Variants in PHKG2 observed in about 807,000 individuals in gnomAD.
The protein encoded by PHKG2 is phosphorylase kinase catalytic subunit gamma 2.
In PHKG2, 28 loss-of-function variants were observed where a neutral mutation model predicts 44.5. That is an observed-to-expected ratio of 0.63 (90% CI 0.47 to 0.86). The LOEUF (loss-of-function observed/expected upper bound fraction) is 0.86, where lower values mean the gene tolerates loss of function less well. Among genes scored for constraint, PHKG2 ranks in the 40% least tolerant of loss-of-function variants. The pLI is 0.00. For missense variants in PHKG2, 498 were observed against 547.5 expected, an observed-to-expected ratio of 0.91 and a Z score of 0.90; for synonymous variants, 220 against 211.2, an observed-to-expected ratio of 1.04 and a Z score of -0.36.
rs1283717311 is a variant in PHKG2, at chr16:30,760,472, G to A, written c.*3375G>A. The A allele has an allele frequency of 5.6e-6, 9 of 1,613,280 alleles. No homozygotes were observed. Among genetic ancestry groups the A allele is most frequent in the Non-Finnish European group, 7.6e-6 (9 of 1,179,422 alleles). ...CAGCACCCTTGGGAGGGAGAGAGGAGTGAGTGACAACTGGGCCTCCTTTCA... is the reference window on the plus strand; with the variant it reads ...CAGCACCCTTGGGAGGGAGAGAGGAATGAGTGACAACTGGGCCTCCTTTCA... On this transcript the variant is annotated 3_prime_UTR_variant, in exon 10 of 10. Transcript: ENST00000563588.
At position 30,757,496 on chromosome 16, in the gene PHKG2, C is replaced by T; in HGVS notation, c.*399C>T. 4 of 1,613,984 alleles carry T rather than the reference C, an allele frequency of 2.5e-6. No homozygotes were observed. Among genetic ancestry groups the T allele is most frequent in the Non-Finnish European group, 2.5e-6 (3 of 1,179,922 alleles). ...GGGGGTCACTTGGTCTTGCTCTTGC[C>T]TTTACCCGGAGGTAGCTGGAAGGGC... On this transcript the variant is annotated 3_prime_UTR_variant, in exon 10 of 10. Coordinates refer to ENST00000563588, the MANE Select transcript of PHKG2 (RefSeq NM_000294.3).
chr16:30,755,271 G>C (rs771869825), intron 6 of PHKG2: 1 of 185,088 alleles, frequency 5.4e-6, no homozygotes, highest in Non-Finnish European at 1.2e-5. Flanking sequence ...ATACAGACTT[G>C]GATAAAGTTT....
chr16:30,749,201 G>GT (rs1567259751), intron 2 of PHKG2, among the ~76,000 whole-genome samples: 29 of 41,254 alleles, frequency 7.0e-4, no homozygotes, highest in Non-Finnish European at 1.5e-3. Context: ...TGGTGCTGGT[G>GT]GTGGTGTGTG....
Position 30,756,447 on chromosome 16 carries a change from G to A in PHKG2, c.728G>A (p.Arg243His), listed in dbSNP as rs777581985. The change falls in exon 8 of 10, where the codon CGC becomes CAC. Residue 243 changes from arginine to histidine, a missense_variant. Transcript: ENST00000563588. ...CACCGGCGGCAGATCCTGATGTTAC[G>A]CATGATCATGGAGGGCCAGTACCAG... Reference protein sequence around the residue: ...FWHRRQILMLRMIMEGQYQFS... With the variant: ...FWHRRQILMLHMIMEGQYQFS... 3.1e-6 allele frequency: 5 copies of A among 1,613,816 alleles called. No homozygotes were observed. Among genetic ancestry groups the A allele is most frequent in the Non-Finnish European group, 4.2e-6 (5 of 1,180,024 alleles).
At chr16:30,751,626 C>G in intron 4 of PHKG2, 23 bp downstream of exon 4, 1 of 1,597,702 alleles carries the variant, frequency 6.3e-7, no homozygotes, top group Non-Finnish European at 8.6e-7. Flanking sequence ...CTGCCACCAT[C>G]TGAGAAGCCT....
intron 2 of PHKG2, among the ~76,000 whole-genome samples, chr16:30,749,294 G>T (rs896136983): frequency 2.0e-5 from 3 of 151,566 alleles, no homozygotes; most frequent in African/African-American, 7.3e-5. Context: ...GTGTGTGTGT[G>T]TGTCTTTCAA....
chr16:30,752,988 T>C (rs1249637335), intron 4 of PHKG2: 3 of 573,334 alleles, frequency 5.2e-6, no homozygotes, highest in African/African-American at 1.9e-5. Context: ...CTATAAATTA[T>C]ATTGTCACAA....
At position 30,760,133 on chromosome 16, in the gene PHKG2, G is replaced by T. The variant is rs761514239; in HGVS notation, c.*3036G>T. On this transcript the variant is annotated 3_prime_UTR_variant, in exon 10 of 10. Coordinates refer to ENST00000563588, the MANE Select transcript of PHKG2 (RefSeq NM_000294.3). ...TTAATTTCTAGATAAGGAAGCAGTG[G>T]ATTGGAAAGCTGATGGCTTGTGTAT... is the stretch of plus-strand genomic sequence containing the variant. The T allele has an allele frequency of 3.2e-6, 5 of 1,559,204 alleles. No homozygotes were observed. In the East Asian group the frequency reaches 1.2e-4, roughly 37 times the overall value.
chr16:30,756,980 G>T lies in PHKG2; in HGVS notation c.1104G>T (p.Gln368His). 6.2e-7 allele frequency: 1 copy of T among 1,612,440 alleles called. No homozygotes were observed. ...ACTGGGTAAAGAAAGGGGAGCAGCAGAACCGGGCGGCTCTCTTTCAGCACC... is the reference window on the plus strand; with the variant it reads ...ACTGGGTAAAGAAAGGGGAGCAGCATAACCGGGCGGCTCTCTTTCAGCACC... Reference protein sequence around the residue: ...YGHWVKKGEQQNRAALFQHRP... With the variant: ...YGHWVKKGEQHNRAALFQHRP... Residue 368 changes from glutamine (Q) to histidine (H), a missense_variant, in exon 10 of 10, where the codon CAG (glutamine) becomes CAT (histidine). Transcript: ENST00000563588.
At chr16:30,749,064 G>GCTGC in intron 2 of PHKG2, 149 bp downstream of exon 2, 1 of 311,804 alleles carries the variant, frequency 3.2e-6, no homozygotes, top group South Asian at 3.0e-5. Context: ...GGTGGTGGTG[G>GCTGC]TGGTGGTGGT....
Position 30,751,299 on chromosome 16 carries a change from G to C in PHKG2, c.271+18G>C. 1 of 1,607,148 alleles carries C rather than the reference G, an allele frequency of 6.2e-7. No individual in the cohort carries two copies. The highest frequency in any genetic ancestry group is 8.5e-7 in the Non-Finnish European group (1 of 1,179,786). ...CCACATCAGTGAGGCTGTCTTCCTTGCTCCTGTTAGCAGACGACCCCCCAC... is the reference window on the plus strand; with the variant it reads ...CCACATCAGTGAGGCTGTCTTCCTTCCTCCTGTTAGCAGACGACCCCCCAC... On this transcript the variant is annotated intron_variant, in intron 3 of 9. Transcript: ENST00000563588.
In PHKG2 at chr16:30,756,983, C is replaced by G. The variant is rs754732907; in HGVS notation, c.1107C>G (p.Asn369Lys). The change falls in exon 10 of 10, where the codon AAC (asparagine) becomes AAG (lysine). Residue 369 changes from asparagine (N) to lysine (K), a missense_variant. Coordinates refer to ENST00000563588, the MANE Select transcript of PHKG2 (RefSeq NM_000294.3). ...GGGTAAAGAAAGGGGAGCAGCAGAACCGGGCGGCTCTCTTTCAGCACCGGC... is the reference window on the plus strand; with the variant it reads ...GGGTAAAGAAAGGGGAGCAGCAGAAGCGGGCGGCTCTCTTTCAGCACCGGC... ...GHWVKKGEQQ[N>K]RAALFQHRPP... 1 of 1,612,374 alleles carries G rather than the reference C, an allele frequency of 6.2e-7. No homozygotes were observed.
In PHKG2 at chr16:30,759,910, C is replaced by T. The variant is rs2053631163; in HGVS notation, c.*2813C>T. 1 of 1,439,920 alleles carries T rather than the reference C, an allele frequency of 6.9e-7. No individual in the cohort carries two copies. The highest frequency in any genetic ancestry group is 9.1e-7 in the Non-Finnish European group (1 of 1,101,110). The allele number at this position is 1,439,920 out of a possible 1,614,324, so 89.2% of individuals were successfully genotyped here. A position where few individuals can be genotyped will look rare whatever the true frequency, so the allele number is the denominator to read the frequency against. On this transcript the variant is annotated 3_prime_UTR_variant, in exon 10 of 10. Transcript: ENST00000563588. ...TATATGCCCACTGTATGGTTTTCGGCACTGAACAAGACAGACAAGGTCCTG... is the reference window on the plus strand; with the variant it reads ...TATATGCCCACTGTATGGTTTTCGGTACTGAACAAGACAGACAAGGTCCTG...
chr16:30,751,563 T>A lies in PHKG2; in HGVS notation c.286T>A (p.Ser96Thr). 6.2e-7 allele frequency: 1 copy of A among 1,613,712 alleles called. No homozygotes were observed. Among genetic ancestry groups the A allele is most frequent in the Non-Finnish European group, 8.5e-7 (1 of 1,179,578 alleles). ...TCTCTCCCTAGTCACCCTCATCGAT[T>A]CCTACGAGTCTTCTAGCTTCATGTT... ...GHPHIITLID[S>T]YESSSFMFLV... The change falls in exon 4 of 10, where the codon TCC becomes ACC. Residue 96 changes from serine to threonine, a missense_variant. Coordinates refer to ENST00000563588, the MANE Select transcript of PHKG2 (RefSeq NM_000294.3).
intron 4 of PHKG2, 29 bp downstream of exon 4, chr16:30,751,632 A>G (rs1199689271): frequency 1.9e-6 from 3 of 1,582,624 alleles, no homozygotes; most frequent in Non-Finnish European, 2.6e-6. Flanking sequence ...CCATCTGAGA[A>G]GCCTCCTCCC....
rs759605425 is a variant in PHKG2 at position 30,759,695 on chromosome 16, A to T, written c.*2598A>T. On this transcript the variant is annotated 3_prime_UTR_variant, in exon 10 of 10. Transcript: ENST00000563588. ...AAAAGGACACTGGTGAAGTAGCGGT[A>T]GCACTCCTCCACGTTGCCCAAGGGG... 28 of 1,613,578 alleles carry T rather than the reference A, an allele frequency of 1.7e-5. No individual in the cohort carries two copies. The African/African-American group carries it at 2.5e-4, about 15-fold the overall frequency.
Position 30,760,266 on chromosome 16 carries a change from G to T in PHKG2, c.*3169G>T, listed in dbSNP as rs2053665365. 6.2e-7 allele frequency: 1 copy of T among 1,614,104 alleles called. No individual in the cohort carries two copies. The highest frequency in any genetic ancestry group is 2.2e-5 in the East Asian group (1 of 44,878). ...CTCTTCTCCCTGGGGCTCAAACCTG[G>T]TAGCTGCCCCCTCTCACCAATACAA... On this transcript the variant is annotated 3_prime_UTR_variant, in exon 10 of 10. Coordinates refer to ENST00000563588, the MANE Select transcript of PHKG2 (RefSeq NM_000294.3).
At position 30,759,896 on chromosome 16, in the gene PHKG2, T is replaced by C. The variant is rs2053630258; in HGVS notation, c.*2799T>C. The stretch of plus-strand genomic sequence containing the variant: ...TACTGAATACCCACTATATGCCCAC[T>C]GTATGGTTTTCGGCACTGAACAAGA... On this transcript the variant is annotated 3_prime_UTR_variant, in exon 10 of 10. Transcript: ENST00000563588. 2.1e-6 allele frequency: 3 copies of C among 1,443,686 alleles called. No individual in the cohort carries two copies. Among genetic ancestry groups the C allele is most frequent in the Non-Finnish European group, 1.8e-6 (2 of 1,102,920 alleles). 89.4% of individuals were successfully genotyped at this position (1,443,686 alleles called of 1,614,324 possible).
Position 30,759,233 on chromosome 16 carries a change from C to A in PHKG2, c.*2136C>A, listed in dbSNP as rs1381374801. On this transcript the variant is annotated 3_prime_UTR_variant, in exon 10 of 10. Coordinates refer to ENST00000563588, the MANE Select transcript of PHKG2 (RefSeq NM_000294.3). ...GCTGTAGCCCCATGTAAGTCAAAGA[C>A]AGATCCAGCCGCACCTGGGAAGCAA... 1.2e-6 allele frequency: 2 copies of A among 1,614,176 alleles called. No individual in the cohort carries two copies. The highest frequency in any genetic ancestry group is 1.3e-5 in the African/African-American group (1 of 75,054).
Sources: allele counts gnomAD v4.1 joint callset (sites outside exome capture counted in the v4.1 genomes callset), GRCh38; gene constraint gnomAD v4.1.1; transcripts MANE v1.5; gene names NCBI Gene and HGNC (gene_info 2026-07-23, HGNC 2026-07-21).